DYNC1I1: variants seen among roughly 807,000 people sequenced by gnomAD.
DYNC1I1 encodes dynein cytoplasmic 1 intermediate chain 1.
Under a neutral mutation model 86.6 loss-of-function variants are expected in DYNC1I1, and 43 were observed. The ratio of observed to expected loss-of-function variants is 0.50; its 90% CI spans 0.39 to 0.64. The LOEUF is 0.64. Among genes scored for constraint, DYNC1I1 ranks in the 30% least tolerant of loss-of-function variants. The pLI, the probability that DYNC1I1 is intolerant of heterozygous loss-of-function variation, is 0.00. For synonymous variants in DYNC1I1, 262 were observed against 283.7 expected, an observed-to-expected ratio of 0.92 and a Z score of 0.77; for missense variants, 604 against 788.8, an observed-to-expected ratio of 0.77 and a Z score of 2.81.
rs780509560 is a variant in DYNC1I1, at chr7:95,810,443, C to G, written c.160C>G (p.Arg54Gly). The G allele has an allele frequency of 6.2e-7, 1 of 1,613,082 alleles. No homozygotes were observed. Among genetic ancestry groups the G allele is most frequent in the Non-Finnish European group, 8.5e-7 (1 of 1,179,412 alleles). The change falls in exon 3 of 17, where the codon CGC becomes GGC. Residue 54 changes from arginine (R) to glycine (G), a missense_variant. By Grantham distance (125) the Arg-to-Gly change is moderately radical. Transcript: ENST00000447467. ...CGTTCAGGACGACTCTGATCTGGAT[C>G]GCAAACGACGAGAGACAGAGGCTTT... The part of the protein sequence containing the change: ...EPVQDDSDLD[R>G]KRRETEALLQ...
chr7:96,101,635 A>G (rs1563006288), downstream of DYNC1I1, among the ~76,000 whole-genome samples: 1 of 152,212 alleles, frequency 6.6e-6, no homozygotes, highest in Admixed American at 6.5e-5. Flanking sequence ...TGGAGTGTTT[A>G]CTAAAGTCTA....
At position 96,097,860 on chromosome 7, in the gene DYNC1I1, A is replaced by T; in HGVS notation, c.*267A>T. ...TTATGGGTTAAGTTGCTGCCTTTTA[A>T]CTACTTTGTAGCTGTATTTAATAGC... On this transcript the variant is annotated 3_prime_UTR_variant, in exon 17 of 17. Transcript: ENST00000447467. 1 of 1,171,832 alleles carries T rather than the reference A, an allele frequency of 8.5e-7. No homozygotes were observed. The highest frequency in any genetic ancestry group is 1.1e-6 in the Non-Finnish European group (1 of 942,668). The allele number at this position is 1,171,832 out of a possible 1,614,324, so 72.6% of individuals were successfully genotyped here. A position where few individuals can be genotyped will look rare whatever the true frequency, so the allele number is the denominator to read the frequency against.
intron 5 of DYNC1I1, among the ~76,000 whole-genome samples, chr7:95,855,814 C>A (rs889634647): frequency 1.3e-5 from 2 of 151,996 alleles, no homozygotes; most frequent in African/African-American, 4.8e-5. Flanking sequence ...AATGGTATAC[C>A]TGTATAGGAA....
chr7:96,054,763 T>C (rs1789519663), intron 14 of DYNC1I1, among the ~76,000 whole-genome samples: 1 of 152,258 alleles, frequency 6.6e-6, no homozygotes, highest in Non-Finnish European at 1.5e-5. Context: ...CACATAAATG[T>C]CTTCTTTTGA....
intron 6 of DYNC1I1, among the ~76,000 whole-genome samples, chr7:95,917,737 T>C (rs1012115109): frequency 1.3e-5 from 2 of 152,234 alleles, no homozygotes; most frequent in Non-Finnish European, 2.9e-5. Flanking sequence ...CTTTGCTTCA[T>C]GTGGTTTTTC....
intron 12 of DYNC1I1, 68 bp downstream of exon 12, chr7:96,032,848 G>A (rs960889089): frequency 7.4e-6 from 10 of 1,359,898 alleles, no homozygotes; most frequent in African/African-American, 2.9e-5. Flanking sequence ...ATGGAACATA[G>A]TTCCTAAAAG....
intron 6 of DYNC1I1, among the ~76,000 whole-genome samples, chr7:95,920,963 T>C (rs989167818): frequency 6.6e-6 from 1 of 152,190 alleles, no homozygotes; most frequent in Non-Finnish European, 1.5e-5. Flanking sequence ...AGTAACTTAG[T>C]AGTAGATGGC....
chr7:96,063,324 G>T (rs906725584), intron 14 of DYNC1I1, among the ~76,000 whole-genome samples: 4 of 151,958 alleles, frequency 2.6e-5, no homozygotes, highest in Non-Finnish European at 5.9e-5. Flanking sequence ...GAATTGTGGG[G>T]AACTGTGCGC....
intron 14 of DYNC1I1, among the ~76,000 whole-genome samples, chr7:96,075,705 G>C (rs1790311740): frequency 6.6e-6 from 1 of 152,186 alleles, no homozygotes; most frequent in Admixed American, 6.5e-5. Flanking sequence ...GCCGACCACG[G>C]TTGGGTTTAG....
At chr7:95,841,906 G>C (rs1305891936) in intron 5 of DYNC1I1, among the ~76,000 whole-genome samples, 1 of 152,196 alleles carries the variant, frequency 6.6e-6, no homozygotes, top group Non-Finnish European at 1.5e-5. Context: ...CATGGGAAAT[G>C]CTTGAGTGCC....
chr7:96,071,391 C>T (rs572070366), intron 14 of DYNC1I1, among the ~76,000 whole-genome samples: 2 of 152,274 alleles, frequency 1.3e-5, no homozygotes, highest in East Asian at 1.9e-4. Flanking sequence ...AGCTTTCCAT[C>T]GTAAGATGCG....
chr7:95,979,401 G>A (rs554770687), intron 7 of DYNC1I1, among the ~76,000 whole-genome samples: 2 of 152,266 alleles, frequency 1.3e-5, no homozygotes, highest in South Asian at 4.2e-4. Flanking sequence ...ACAATACTTG[G>A]CACAAAGTAA....
intron 1 of DYNC1I1, among the ~76,000 whole-genome samples, chr7:95,786,065 TA>T (rs1794137122): frequency 6.6e-6 from 1 of 152,040 alleles, no homozygotes; most frequent in Non-Finnish European, 1.5e-5. Flanking sequence ...AAATTCTTGA[TA>T]TTTTTTCAAG....
chr7:95,918,540 T>C (rs1175298802), intron 6 of DYNC1I1, among the ~76,000 whole-genome samples: 1 of 152,204 alleles, frequency 6.6e-6, no homozygotes, highest in Non-Finnish European at 1.5e-5. Flanking sequence ...TGGGTGTGTC[T>C]GTGTGTGCAC....
chr7:95,932,896 G>A (rs376251140), intron 6 of DYNC1I1, among the ~76,000 whole-genome samples: 1 of 48,806 alleles, frequency 2.0e-5, no homozygotes, highest in Non-Finnish European at 4.6e-5. Flanking sequence ...TTTTTTTTTT[G>A]AGATGACAAT....
chr7:95,838,865 A>C (rs1193627407), intron 5 of DYNC1I1, among the ~76,000 whole-genome samples: 3 of 152,088 alleles, frequency 2.0e-5, no homozygotes, highest in Non-Finnish European at 4.4e-5. Context: ...TTTTGCATTA[A>C]TTTTTGTGGA....
intron 5 of DYNC1I1, among the ~76,000 whole-genome samples, chr7:95,857,752 A>G (rs1789764201): frequency 6.6e-6 from 1 of 152,118 alleles, no homozygotes; most frequent in East Asian, 1.9e-4. Context: ...CTGACAAGTA[A>G]TTTTCCTCCA....
At chr7:95,942,962 C>G (rs1380790784) in intron 6 of DYNC1I1, among the ~76,000 whole-genome samples, 1 of 143,760 alleles carries the variant, frequency 7.0e-6, no homozygotes, top group African/African-American at 2.6e-5. Flanking sequence ...AAAACTGGCA[C>G]AAGACAGGGA....
intron 5 of DYNC1I1, among the ~76,000 whole-genome samples, chr7:95,832,619 C>T (rs575861838): frequency 1.6e-4 from 24 of 152,250 alleles, no homozygotes; most frequent in African/African-American, 5.8e-4. Context: ...TCCACATCCT[C>T]TCCAGCACCT....
Sources: gnomAD v4.1 joint callset for allele counts (sites outside exome capture counted in the v4.1 genomes callset) on GRCh38, gnomAD v4.1.1 for gene constraint, MANE v1.5 for transcripts, NCBI Gene and HGNC (gene_info 2026-07-23, HGNC 2026-07-21) for gene names.